WDR43: variants seen among roughly 807,000 people sequenced by gnomAD.
WDR43 encodes WD repeat domain 43.
WDR43 carries 13 observed loss-of-function variants against 91.4 expected under a neutral mutation model. The observed-to-expected ratio is 0.14, with a 90% CI of 0.09 to 0.23. WDR43 has a LOEUF of 0.23. WDR43 is among the 10% of genes least tolerant of loss of function. The pLI is 1.00. For synonymous variants in WDR43, 331 were observed against 287.9 expected, an observed-to-expected ratio of 1.15 and a Z score of -1.51; for missense variants, 780 against 809.4, an observed-to-expected ratio of 0.96 and a Z score of 0.44.
Position 28,921,965 on chromosome 2 carries a change from C to T in WDR43, c.850-954C>T, listed in dbSNP as rs543879165. Among the ~76,000 whole-genome samples, 17 of 152,324 alleles carry T rather than the reference C, an allele frequency of 1.1e-4. No individual in the cohort carries two copies. In the East Asian group the frequency reaches 1.9e-3, roughly 17 times the overall value. ...CCAGGCTCTAGCTATCTTCCCGCCT[C>T]GGCCAAAGTGCTGGGATTACAGGCC... is the stretch of plus-strand genomic sequence containing the variant. On this transcript the variant is annotated intron_variant, in intron 6 of 17. Coordinates refer to ENST00000407426, the MANE Select transcript of WDR43 (RefSeq NM_015131.3).
intron 6 of WDR43, among the ~76,000 whole-genome samples, chr2:28,920,223 T>TG (rs1670996552): frequency 9.8e-6 from 1 of 102,368 alleles, no homozygotes. Flanking sequence ...TTTTTTTCTT[T>TG]CTTTTTTTTT....
At position 28,894,695 on chromosome 2, in the gene WDR43, A is replaced by G. The variant is rs1448390283; in HGVS notation, c.-4A>G. The G allele has an allele frequency of 2.6e-6, 4 of 1,559,972 alleles. No individual in the cohort carries two copies. In the South Asian group the frequency reaches 3.5e-5, roughly 14 times the overall value. On this transcript the variant is annotated 5_prime_UTR_variant, in exon 1 of 18. Coordinates refer to ENST00000407426, the MANE Select transcript of WDR43 (RefSeq NM_015131.3). ...CACGTGGCTGCAGCGGGGCCAGAGC[A>G]GCAATGGCGGCGGGCGGCGGCGGTA...
chr2:28,918,205 A>T (rs1026723965), intron 6 of WDR43, among the ~76,000 whole-genome samples: 2 of 152,124 alleles, frequency 1.3e-5, no homozygotes, highest in African/African-American at 4.8e-5. Context: ...GACGGTAGTA[A>T]ATTCAGGAAT....
chr2:28,938,690 T>C (rs1200342423), intron 14 of WDR43, among the ~76,000 whole-genome samples: 2 of 152,246 alleles, frequency 1.3e-5, no homozygotes, highest in Non-Finnish European at 2.9e-5. Context: ...ACCCAACTCC[T>C]GCCTTGTCAC....
chr2:28,931,130 C>G (rs966029398), intron 11 of WDR43, among the ~76,000 whole-genome samples: 3 of 145,808 alleles, frequency 2.1e-5, no homozygotes, highest in African/African-American at 7.6e-5. Context: ...GGCTGGAGTG[C>G]AGTGGCGCAA....
intron 1 of WDR43, 65 bp downstream of exon 1, chr2:28,894,988 GGTGGCGCGTGGTCCGGCATCGCGC>G (rs1670447812): frequency 3.6e-6 from 5 of 1,402,692 alleles, no homozygotes; most frequent in Non-Finnish European, 4.7e-6. Flanking sequence ...CTCCGGGCCG[GGTGGCGCGTGGTCCGGCATCGCGC>G]GTGGCTCTCA....
chr2:28,895,848 TC>T (rs1670470717), intron 1 of WDR43: 1 of 152,192 alleles, frequency 6.6e-6, no homozygotes, highest in Non-Finnish European at 1.5e-5. Context: ...TTTGGAAACA[TC>T]AGGTATCCTG....
intron 14 of WDR43, among the ~76,000 whole-genome samples, chr2:28,939,243 G>A (rs965488029): frequency 7.9e-5 from 12 of 152,162 alleles, no homozygotes; most frequent in Non-Finnish European, 1.3e-4. Context: ...GAGGGTGGCC[G>A]AGGGGCATTG....
At chr2:28,906,316 A>G (rs1670677462) in intron 2 of WDR43, 144 bp from the exon 3 acceptor site, 6 of 720,452 alleles carry the variant, frequency 8.3e-6, no homozygotes, top group African/African-American at 3.6e-5. Context: ...ATGTAGTTCT[A>G]CTGATCTGAA....
intron 2 of WDR43, among the ~76,000 whole-genome samples, chr2:28,904,068 T>TG (rs1328242173): frequency 1.3e-5 from 2 of 152,134 alleles, no homozygotes; most frequent in African/African-American, 4.8e-5. Flanking sequence ...CCTCCTAAAG[T>TG]GCTGGGGTTA....
At chr2:28,936,886 A>C (rs1671346595) in intron 12 of WDR43, 36 bp from the exon 13 acceptor site, 1 of 1,554,980 alleles carries the variant, frequency 6.4e-7, no homozygotes, top group Middle Eastern at 1.7e-4. Context: ...GTTGCCTCTG[A>C]AGTGCTGTTG....
intron 9 of WDR43, 50 bp downstream of exon 9, chr2:28,926,604 G>T: frequency 6.9e-7 from 1 of 1,449,590 alleles, no homozygotes; most frequent in Non-Finnish European, 9.4e-7. Context: ...ATTTCTTTGG[G>T]TGAATGGAAC....
In WDR43 at chr2:28,906,481, G is replaced by C; in HGVS notation, c.385G>C (p.Val129Leu). The stretch of plus-strand genomic sequence containing the variant: ...ACAGAGTGGTGGACATGACAACAGA[G>C]TCAACTGCATACAGTGGCATCAAGA... ...KLISGGHDNR[V>L]NCIQWHQDSG... Residue 129 changes from valine to leucine, a missense_variant, in exon 3 of 18, where the codon GTC becomes CTC. Physicochemically the swap from Val to Leu is conservative, Grantham distance 32. Transcript: ENST00000407426. The C allele has an allele frequency of 6.4e-7, 1 of 1,573,042 alleles. No homozygotes were observed. Among genetic ancestry groups the C allele is most frequent in the Non-Finnish European group, 8.6e-7 (1 of 1,159,518 alleles).
At chr2:28,915,957 T>C (rs965120259) in intron 5 of WDR43, among the ~76,000 whole-genome samples, 1 of 152,374 alleles carries the variant, frequency 6.6e-6, no homozygotes, top group African/African-American at 2.4e-5. Context: ...ATTTGAATCA[T>C]GTTTGTAAAT....
intron 12 of WDR43, among the ~76,000 whole-genome samples, chr2:28,935,891 A>G (rs1307337119): frequency 6.6e-6 from 1 of 152,150 alleles, no homozygotes; most frequent in Non-Finnish European, 1.5e-5. Flanking sequence ...AGAATGCTGT[A>G]TGTACAGGAT....
chr2:28,947,749 T>G lies in WDR43; in HGVS notation c.*970T>G, dbSNP rs1159115195. On this transcript the variant is annotated 3_prime_UTR_variant, in exon 18 of 18. Transcript: ENST00000407426. ...TTTTCTTCCTTTTCATTACCTACTCTTGGCAGTGTTAGGGTATCTGTTTAC... is the reference window on the plus strand; with the variant it reads ...TTTTCTTCCTTTTCATTACCTACTCGTGGCAGTGTTAGGGTATCTGTTTAC... 6.6e-6 allele frequency: 1 copy of G among 151,934 alleles called. No individual in the cohort carries two copies. Among genetic ancestry groups the G allele is most frequent in the African/African-American group, 2.4e-5 (1 of 41,438 alleles). The allele number at this position is 151,934 out of a possible 1,614,324, so 9.4% of individuals were successfully genotyped here. A position where few individuals can be genotyped will look rare whatever the true frequency, so the allele number is the denominator to read the frequency against.
intron 4 of WDR43, among the ~76,000 whole-genome samples, chr2:28,912,947 ATTTT>A (rs35646381): frequency 4.1e-3 from 413 of 100,948 alleles, no homozygotes; most frequent in African/African-American, 0.012. Context: ...AAGAAACAAG[ATTTT>A]TTTTTTTTTT....
At chr2:28,898,941 A>G (rs945658206) in intron 1 of WDR43, among the ~76,000 whole-genome samples, 16 of 152,306 alleles carry the variant, frequency 1.1e-4, no homozygotes, top group East Asian at 1.9e-4. Context: ...GCTTTTATAA[A>G]TTATGCACAT....
At chr2:28,914,006 A>G in intron 4 of WDR43, 63 bp from the exon 5 acceptor site, 1 of 1,585,362 alleles carries the variant, frequency 6.3e-7, no homozygotes, top group Middle Eastern at 1.7e-4. Context: ...TTGATAATAT[A>G]TACTATTAAT....
Sources: allele counts gnomAD v4.1 joint callset (sites outside exome capture counted in the v4.1 genomes callset), GRCh38; gene constraint gnomAD v4.1.1; transcripts MANE v1.5; gene names NCBI Gene and HGNC (gene_info 2026-07-23, HGNC 2026-07-21).